The following RIMBP2 variants were observed in gnomAD, a reference collection of about 807,000 sequenced individuals.
RIMBP2 encodes RIMS binding protein 2.
A neutral mutation model predicts 118.6 loss-of-function variants in RIMBP2; 48 were observed. The ratio of observed to expected loss-of-function variants is 0.40; its 90% CI spans 0.32 to 0.51. RIMBP2 has a LOEUF of 0.51. Among genes scored for constraint, RIMBP2 ranks in the 20% least tolerant of loss-of-function variants. RIMBP2 has a pLI of 0.41. For missense variants in RIMBP2, 1,551 were observed against 1,768.3 expected (o/e 0.88, Z 2.20); for synonymous variants, 762 against 742.9 (o/e 1.03, Z -0.42).
chr12:130,665,726 A>C (rs1216968583), intron 1 of RIMBP2, among the ~76,000 whole-genome samples: 2 of 147,998 alleles, frequency 1.4e-5, no homozygotes, highest in African/African-American at 5.3e-5. Context: ...AGTACCTGGT[A>C]TTGGATTGGA....
At chr12:130,543,626 G>A (rs1197291013) in intron 2 of RIMBP2, among the ~76,000 whole-genome samples, 1 of 152,074 alleles carries the variant, frequency 6.6e-6, no homozygotes, top group East Asian at 1.9e-4. Context: ...AGAGAGTGAT[G>A]AGGGCCACCT....
At chr12:130,700,993 C>T (rs1281136088) in intron 1 of RIMBP2, among the ~76,000 whole-genome samples, 1 of 152,156 alleles carries the variant, frequency 6.6e-6, no homozygotes. Flanking sequence ...GTAACATGGC[C>T]CTGCCTTTTA....
chr12:130,538,924 G>C (rs780066041), intron 2 of RIMBP2, among the ~76,000 whole-genome samples: 2 of 152,150 alleles, frequency 1.3e-5, no homozygotes, highest in Non-Finnish European at 2.9e-5. Context: ...CAGGGTGGTC[G>C]AGAGCTGGGC....
At position 130,476,290 on chromosome 12, in the gene RIMBP2, G is replaced by A. The variant is rs567065612; in HGVS notation, c.102+2622C>T. 5.9e-5 allele frequency among the ~76,000 whole-genome samples: 9 copies of A among 152,354 alleles called. No individual in the cohort carries two copies. In the South Asian group the frequency reaches 1.9e-3, roughly 32 times the overall value. On this transcript the variant is annotated intron_variant, in intron 5 of 22. Coordinates refer to ENST00000690449, the MANE Select transcript of RIMBP2 (RefSeq NM_001393629.1). ...CCCGTGACGGCAAGTTCAAGAAAGA[G>A]CTGGGGTTGCAGAAAGAGAGAAGAG...
intron 2 of RIMBP2, among the ~76,000 whole-genome samples, chr12:130,560,196 T>C (rs1033059945): frequency 6.6e-6 from 1 of 152,158 alleles, no homozygotes; most frequent in Non-Finnish European, 1.5e-5. Context: ...TCCCCCACCA[T>C]ATTCAGGTAA....
chr12:130,532,938 G>T (rs71468433), intron 2 of RIMBP2, among the ~76,000 whole-genome samples: 553 of 102,790 alleles, frequency 5.4e-3, no homozygotes, highest in Middle Eastern at 0.019. Flanking sequence ...CTCTAGGAGG[G>T]ACGTCTAATG....
intron 4 of RIMBP2, among the ~76,000 whole-genome samples, chr12:130,496,015 G>A (rs917132872): frequency 5.9e-5 from 9 of 152,202 alleles, no homozygotes; most frequent in Non-Finnish European, 1.2e-4. Flanking sequence ...TGATTCTGCC[G>A]CTGACTCATT....
At chr12:130,657,550 C>T (rs1423575334) in intron 1 of RIMBP2, among the ~76,000 whole-genome samples, 1 of 152,220 alleles carries the variant, frequency 6.6e-6, no homozygotes, top group Non-Finnish European at 1.5e-5. Flanking sequence ...AAAGATCCAT[C>T]GTCGAAGCAA....
At chr12:130,534,680 G>A (rs2139414092) in intron 2 of RIMBP2, among the ~76,000 whole-genome samples, 2 of 152,336 alleles carry the variant, frequency 1.3e-5, no homozygotes, top group East Asian at 3.9e-4. Flanking sequence ...ACATAGCTAA[G>A]TTCACCCATG....
At chr12:130,504,039 C>T (rs998053352) in intron 4 of RIMBP2, among the ~76,000 whole-genome samples, 7 of 152,212 alleles carry the variant, frequency 4.6e-5, no homozygotes, top group African/African-American at 1.7e-4. Flanking sequence ...GTGATCCATG[C>T]TGGGAGCAGG....
rs1376764888 is a variant in RIMBP2, at chr12:130,447,585, A to G, written c.582-2316T>C. On this transcript the variant is annotated intron_variant, in intron 9 of 22. Transcript: ENST00000690449. The surrounding 1 kb of genome is among the most constrained non-coding windows in gnomAD (Gnocchi z 4.4). ...GATGGGAATGGGTTCTTGAGGGGCGATGGGAGACCCCCACATGTGGCCGTG... is the reference window on the plus strand; with the variant it reads ...GATGGGAATGGGTTCTTGAGGGGCGGTGGGAGACCCCCACATGTGGCCGTG... 6.6e-6 allele frequency among the ~76,000 whole-genome samples: 1 copy of G among 151,936 alleles called. No homozygotes were observed. The highest frequency in any genetic ancestry group is 1.5e-5 in the Non-Finnish European group (1 of 67,992).
intron 20 of RIMBP2, 102 bp from the exon 21 acceptor site, chr12:130,406,345 T>C: frequency 1.3e-6 from 1 of 741,054 alleles, no homozygotes; most frequent in Non-Finnish European, 2.2e-6. Flanking sequence ...TGAGAATTTC[T>C]GGTATTAATC....
chr12:130,599,736 T>C (rs2059761628), intron 2 of RIMBP2, among the ~76,000 whole-genome samples: 1 of 152,214 alleles, frequency 6.6e-6, no homozygotes, highest in Non-Finnish European at 1.5e-5. Context: ...ATATTGACAG[T>C]TTTACAGTTT....
intron 1 of RIMBP2, among the ~76,000 whole-genome samples, chr12:130,700,076 G>A (rs2065784811): frequency 6.6e-6 from 1 of 152,084 alleles, no homozygotes; most frequent in East Asian, 1.9e-4. Context: ...TACCCCTAAG[G>A]GGCAGCCATG....
At chr12:130,439,466 T>G (rs2077864417) in intron 11 of RIMBP2, among the ~76,000 whole-genome samples, 1 of 145,392 alleles carries the variant, frequency 6.9e-6, no homozygotes, top group African/African-American at 2.5e-5. Flanking sequence ...TGGGTGTGTA[T>G]GTATTTGTGT....
rs150831316 is a variant in RIMBP2, at chr12:130,422,477, G to C, written c.3214C>G (p.Arg1072Gly). 6.2e-7 allele frequency: 1 copy of C among 1,612,364 alleles called. No homozygotes were observed. Residue 1072 changes from arginine to glycine, a missense_variant, in exon 17 of 23, where the codon CGG (arginine) becomes GGG (glycine). Arg to Gly is a moderately radical substitution (Grantham distance 125, BLOSUM62 -2). Around this residue, in one of 5 missense-constraint regions of RIMBP2, gnomAD observed 1,038 missense variants for 1,125.1 expected, o/e 0.92. Transcript: ENST00000690449. This position sits in a 1 kb window ranked among gnomAD's most constrained non-coding sequence, Gnocchi z 5.2. ...PRGSAGPQRSRPVTVPSIDDY... is the reference protein window; with the variant it reads ...PRGSAGPQRSGPVTVPSIDDY... ...CCGATGGATGGGACTGTCACGGGCC[G>C]GGACCTCTGAGGACCAGCGCTGCCA...
Position 130,576,096 on chromosome 12 carries a change from C to T in RIMBP2, c.-217+52226G>A, listed in dbSNP as rs1034230551. ...TGTGTACTCTGCAGGGAGGCTGGTG[C>T]GGGGGGACCGTTAGGCAAAGGGGCT... On this transcript the variant is annotated intron_variant, in intron 2 of 22. Transcript: ENST00000690449. This position sits in a 1 kb window ranked among gnomAD's most constrained non-coding sequence, Gnocchi z 4.2. 3.3e-5 allele frequency among the ~76,000 whole-genome samples: 5 copies of T among 149,346 alleles called. No homozygotes were observed. The highest frequency in any genetic ancestry group is 2.0e-4 in the East Asian group (1 of 5,086).
chr12:130,555,692 G>A (rs930870483), intron 2 of RIMBP2, among the ~76,000 whole-genome samples: 1 of 152,146 alleles, frequency 6.6e-6, no homozygotes, highest in Non-Finnish European at 1.5e-5. Flanking sequence ...TTTATAGCAG[G>A]CATTTTTATG....
At position 130,476,000 on chromosome 12, in the gene RIMBP2, G is replaced by A. The variant is rs1384079063; in HGVS notation, c.102+2912C>T. 1.3e-5 allele frequency among the ~76,000 whole-genome samples: 2 copies of A among 152,076 alleles called. No individual in the cohort carries two copies. The highest frequency in any genetic ancestry group is 2.4e-5 in the African/African-American group (1 of 41,414). On this transcript the variant is annotated intron_variant, in intron 5 of 22. Transcript: ENST00000690449. The surrounding 1 kb of genome is among the most constrained non-coding windows in gnomAD (Gnocchi z 4.1). Reference sequence around the variant, plus strand: ...CCGGGAGTTACCACGCAGAGGTGGTGCTGAAACCCATGCATCTATGTGAGG... The same window carrying A: ...CCGGGAGTTACCACGCAGAGGTGGTACTGAAACCCATGCATCTATGTGAGG...
Sources: gnomAD v4.1 joint callset for allele counts (sites outside exome capture counted in the v4.1 genomes callset) on GRCh38, gnomAD v4.1.1 for gene constraint, gnomAD v4.1.1 regional missense constraint, Gnocchi (gnomAD v3.1) non-coding constraint, MANE v1.5 for transcripts, NCBI Gene and HGNC (gene_info 2026-07-23, HGNC 2026-07-21) for gene names.